Variants in SLX4IP observed in about 807,000 individuals in gnomAD.
The protein encoded by SLX4IP is SLX4 interacting protein.
Under a neutral mutation model 32.9 loss-of-function variants are expected in SLX4IP, and 34 were observed. That is an observed-to-expected ratio of 1.03 (90% CI 0.79 to 1.38). The LOEUF is 1.38. SLX4IP is among the 40% of genes most tolerant of loss of function. The probability of loss-of-function intolerance (pLI) is 0.00; values close to 1 mark genes in which losing one functional copy is unlikely to be tolerated. For missense variants in SLX4IP, 444 were observed against 479.0 expected (o/e 0.93, Z 0.68); for synonymous variants, 172 against 171.7 (o/e 1.00, Z -0.01).
At chr20:10,483,842 T>TAGG (rs2065548274) in intron 2 of SLX4IP, among the ~76,000 whole-genome samples, 1 of 136,800 alleles carries the variant, frequency 7.3e-6, no homozygotes, top group Non-Finnish European at 1.5e-5. Flanking sequence ...GTTTCTGACC[T>TAGG]TCCTCTGAAG....
At chr20:10,600,895 G>A (rs1425197075) in intron 5 of SLX4IP, among the ~76,000 whole-genome samples, 2 of 152,142 alleles carry the variant, frequency 1.3e-5, no homozygotes, top group African/African-American at 2.4e-5. Flanking sequence ...CCACCCGCCT[G>A]GAACATACCC....
At chr20:10,617,930 TGC>T (rs1185497718) in intron 6 of SLX4IP, among the ~76,000 whole-genome samples, 1 of 152,164 alleles carries the variant, frequency 6.6e-6, no homozygotes, top group Non-Finnish European at 1.5e-5. Context: ...CATGAACCAC[TGC>T]GCCTGGCCCA....
intron 1 of SLX4IP, among the ~76,000 whole-genome samples, chr20:10,443,685 T>C (rs903253024): frequency 6.6e-6 from 1 of 152,126 alleles, no homozygotes; most frequent in Non-Finnish European, 1.5e-5. Flanking sequence ...GGCACTGATA[T>C]TGTTCGGATT....
chr20:10,601,221 T>C (rs1294479853), intron 5 of SLX4IP, among the ~76,000 whole-genome samples: 2 of 152,208 alleles, frequency 1.3e-5, no homozygotes, highest in Non-Finnish European at 2.9e-5. Context: ...AGCTGCTGTT[T>C]TCCCAGCCTG....
chr20:10,572,108 C>A (rs1311386884), intron 4 of SLX4IP, among the ~76,000 whole-genome samples: 1 of 152,150 alleles, frequency 6.6e-6, no homozygotes, highest in Admixed American at 6.5e-5. Context: ...TGAGACAGTC[C>A]TTTCTAGCCA....
intron 2 of SLX4IP, among the ~76,000 whole-genome samples, chr20:10,512,740 GTATA>G (rs2065818561): frequency 9.7e-6 from 1 of 103,556 alleles, no homozygotes; most frequent in African/African-American, 3.8e-5. Context: ...TATGTATTGT[GTATA>G]TATATTTTAT....
chr20:10,510,609 AT>A (rs33995753), intron 2 of SLX4IP, among the ~76,000 whole-genome samples: 54,866 of 141,878 alleles, frequency 0.39, 10,614 homozygotes, highest in South Asian at 0.57. Flanking sequence ...TATTTTTATT[AT>A]TTTTTTTTTT....
At chr20:10,515,620 C>A (rs1184224317) in intron 2 of SLX4IP, among the ~76,000 whole-genome samples, 2 of 152,172 alleles carry the variant, frequency 1.3e-5, no homozygotes, top group Non-Finnish European at 2.9e-5. Flanking sequence ...ACTTAAGAAA[C>A]TGTTATTTCT....
intron 6 of SLX4IP, among the ~76,000 whole-genome samples, chr20:10,618,952 G>GA (rs2067072784): frequency 1.4e-5 from 2 of 144,916 alleles, no homozygotes; most frequent in African/African-American, 5.0e-5. Flanking sequence ...GGGGGGCGGG[G>GA]GAGGGGAGCA....
At chr20:10,512,278 A>G (rs1186061477) in intron 2 of SLX4IP, among the ~76,000 whole-genome samples, 7 of 152,170 alleles carry the variant, frequency 4.6e-5, no homozygotes, top group Admixed American at 4.6e-4. Context: ...TGATAATGAG[A>G]AAGAATTTAC....
intron 2 of SLX4IP, among the ~76,000 whole-genome samples, chr20:10,525,512 C>T (rs114337193): frequency 0.019 from 2,935 of 152,176 alleles, 80 homozygotes; most frequent in African/African-American, 0.056. Flanking sequence ...ACCGCTTAGC[C>T]GAACTATATA....
At chr20:10,564,995 C>G (rs997115748) in intron 4 of SLX4IP, among the ~76,000 whole-genome samples, 2 of 152,144 alleles carry the variant, frequency 1.3e-5, no homozygotes, top group Non-Finnish European at 2.9e-5. Flanking sequence ...ACTGACAGAA[C>G]TGCATATTTA....
intron 2 of SLX4IP, among the ~76,000 whole-genome samples, chr20:10,467,409 C>T (rs1278080460): frequency 5.9e-5 from 9 of 152,080 alleles, no homozygotes; most frequent in Admixed American, 2.6e-4. Context: ...ACCTTTGTCC[C>T]GAAGAATGAT....
At chr20:10,557,949 C>T (rs1313717172) in intron 3 of SLX4IP, among the ~76,000 whole-genome samples, 1 of 152,190 alleles carries the variant, frequency 6.6e-6, no homozygotes, top group Non-Finnish European at 1.5e-5. Context: ...AGCAGTGCTG[C>T]ACTGGCAGCT....
chr20:10,470,255 G>T (rs1179325480), intron 2 of SLX4IP, among the ~76,000 whole-genome samples: 5 of 152,182 alleles, frequency 3.3e-5, no homozygotes, highest in Non-Finnish European at 7.3e-5. Context: ...GGGATGCTTG[G>T]TTGAGAAAGT....
In SLX4IP at chr20:10,624,962, A is replaced by T. The variant is rs184930078; in HGVS notation, c.*1583A>T. 7.2e-5 allele frequency: 11 copies of T among 151,772 alleles called. No homozygotes were observed. The highest frequency in any genetic ancestry group is 4.6e-4 in the Admixed American group (7 of 15,234). 9.4% of individuals were successfully genotyped at this position (151,772 alleles called of 1,614,324 possible). A position where few individuals can be genotyped will look rare whatever the true frequency, so the allele number is the denominator to read the frequency against. On this transcript the variant is annotated 3_prime_UTR_variant, in exon 8 of 8. Coordinates refer to ENST00000334534, the MANE Select transcript of SLX4IP (RefSeq NM_001009608.3). ...CCTGTCCCATGATCCCAGCCTCACCACCCCCACTTGAAACAGCCCTTCCTA... is the reference window on the plus strand; with the variant it reads ...CCTGTCCCATGATCCCAGCCTCACCTCCCCCACTTGAAACAGCCCTTCCTA...
chr20:10,525,148 GGT>G (rs2065930805), intron 2 of SLX4IP, among the ~76,000 whole-genome samples: 1 of 151,988 alleles, frequency 6.6e-6, no homozygotes. Context: ...TTTTAAATGT[GGT>G]TTCTTTATAA....
intron 2 of SLX4IP, among the ~76,000 whole-genome samples, chr20:10,524,392 C>T (rs904955148): frequency 6.6e-5 from 10 of 152,176 alleles, no homozygotes; most frequent in African/African-American, 2.4e-4. Flanking sequence ...TCTTGACCAC[C>T]CGCCCTGCCT....
intron 2 of SLX4IP, among the ~76,000 whole-genome samples, chr20:10,518,538 CTT>C (rs1568720471): frequency 1.0e-5 from 1 of 96,634 alleles, no homozygotes; most frequent in East Asian, 2.3e-4. Flanking sequence ...TCCTTCCTTC[CTT>C]CCTTCCTTCC....
Sources: allele counts gnomAD v4.1 joint callset (sites outside exome capture counted in the v4.1 genomes callset), GRCh38; gene constraint gnomAD v4.1.1; transcripts MANE v1.5; gene names NCBI Gene and HGNC (gene_info 2026-07-23, HGNC 2026-07-21).